GRID2: variants seen among roughly 807,000 people sequenced by gnomAD.
The protein encoded by GRID2 is glutamate receptor ionotropic, delta-2.
In GRID2, 33 loss-of-function variants were observed where a neutral mutation model predicts 114.8. That is an observed-to-expected ratio of 0.29 (90% confidence interval 0.22 to 0.38). The LOEUF (loss-of-function observed/expected upper bound fraction) is 0.38. GRID2 is among the 10% of genes least tolerant of loss of function. The probability of loss-of-function intolerance (pLI) is 1.00; values close to 1 mark genes in which losing one functional copy is unlikely to be tolerated. For synonymous variants in GRID2, 505 were observed against 449.9 expected (o/e 1.12, Z -1.55); for missense variants, 1,184 against 1,257.7 (o/e 0.94, Z 0.89).
chr4:93,009,159 A>G (rs565223833), intron 2 of GRID2, among the ~76,000 whole-genome samples: 9 of 152,270 alleles, frequency 5.9e-5, no homozygotes, highest in Non-Finnish European at 1.2e-4. Context: ...GAGATGAGGA[A>G]ATGAAGGAAT....
chr4:92,758,381 C>A (rs1462148141), intron 2 of GRID2, among the ~76,000 whole-genome samples: 1 of 152,022 alleles, frequency 6.6e-6, no homozygotes, highest in Non-Finnish European at 1.5e-5. Flanking sequence ...TGGAAACCAA[C>A]AAGAACCCTT....
intron 1 of GRID2, among the ~76,000 whole-genome samples, chr4:92,515,378 A>G (rs1288651939): frequency 1.3e-5 from 2 of 151,946 alleles, no homozygotes; most frequent in Admixed American, 6.6e-5. Flanking sequence ...TAGACAACAT[A>G]AAAGACAATA....
intron 14 of GRID2, among the ~76,000 whole-genome samples, chr4:93,676,806 G>C (rs1311908201): frequency 2.6e-5 from 4 of 151,578 alleles, no homozygotes; most frequent in African/African-American, 9.7e-5. Flanking sequence ...CCGCAAGATG[G>C]CTGAATAGGA....
At chr4:93,501,143 G>T (rs1728059829) in intron 12 of GRID2, among the ~76,000 whole-genome samples, 1 of 151,906 alleles carries the variant, frequency 6.6e-6, no homozygotes, top group African/African-American at 2.4e-5. Flanking sequence ...TGACCTGAGA[G>T]TGTGAAACTC....
intron 1 of GRID2, among the ~76,000 whole-genome samples, chr4:92,554,297 C>T (rs543704070): frequency 1.4e-4 from 21 of 152,096 alleles, no homozygotes; most frequent in Non-Finnish European, 2.2e-4. Flanking sequence ...ACAGAGAAAT[C>T]GAGTAATATG....
At chr4:93,027,389 G>T (rs1392353631) in intron 2 of GRID2, among the ~76,000 whole-genome samples, 1 of 151,544 alleles carries the variant, frequency 6.6e-6, no homozygotes, top group African/African-American at 2.4e-5. Context: ...CAATTTCTTA[G>T]CATGCCTAGA....
intron 2 of GRID2, among the ~76,000 whole-genome samples, chr4:93,061,894 A>T (rs2149293865): frequency 6.6e-6 from 1 of 152,258 alleles, no homozygotes; most frequent in Non-Finnish European, 1.5e-5. Context: ...GGAATCCGTA[A>T]ATGCCAGGTT....
intron 2 of GRID2, among the ~76,000 whole-genome samples, chr4:92,674,182 T>TA (rs1733214427): frequency 6.6e-6 from 1 of 152,186 alleles, no homozygotes; most frequent in South Asian, 2.1e-4. Flanking sequence ...TCAAATTAAG[T>TA]AAAAACAAAA....
chr4:93,404,370 G>T (rs764563030), intron 9 of GRID2, among the ~76,000 whole-genome samples: 1 of 151,974 alleles, frequency 6.6e-6, no homozygotes, highest in Non-Finnish European at 1.5e-5. Context: ...CACTTTGGAT[G>T]GGTGAATTGT....
At chr4:93,042,600 A>G (rs1467094706) in intron 2 of GRID2, among the ~76,000 whole-genome samples, 3 of 126,778 alleles carry the variant, frequency 2.4e-5, no homozygotes, top group Non-Finnish European at 4.9e-5. Context: ...TGCAAACATG[A>G]TGAATCTTTT....
chr4:92,467,784 G>A (rs557887870), intron 1 of GRID2, among the ~76,000 whole-genome samples: 1 of 152,048 alleles, frequency 6.6e-6, no homozygotes, highest in African/African-American at 2.4e-5. Context: ...AAAGAATCCA[G>A]GTTTAATATT....
chr4:93,013,315 T>TTTATTGAGGATAAATA (rs1468356153), intron 2 of GRID2, among the ~76,000 whole-genome samples: 1 of 151,990 alleles, frequency 6.6e-6, no homozygotes, highest in East Asian at 1.9e-4. Flanking sequence ...TTAATCTGTA[T>TTTATTGAGGATAAATA]TTATTGAGGA....
intron 2 of GRID2, among the ~76,000 whole-genome samples, chr4:92,983,350 C>T (rs183390311): frequency 7.3e-4 from 111 of 152,040 alleles, no homozygotes; most frequent in African/African-American, 2.7e-3. Context: ...TTTTAAGTGC[C>T]TTTTTAAGGT....
At chr4:93,527,907 G>T (rs1731073027) in intron 13 of GRID2, among the ~76,000 whole-genome samples, 1 of 151,826 alleles carries the variant, frequency 6.6e-6, no homozygotes, top group East Asian at 1.9e-4. Flanking sequence ...AATCAATTAT[G>T]TCTCTACGAA....
chr4:92,427,135 G>T (rs1427576940), intron 1 of GRID2, among the ~76,000 whole-genome samples: 2 of 152,052 alleles, frequency 1.3e-5, no homozygotes, highest in Admixed American at 6.6e-5. Flanking sequence ...CCTATACTCT[G>T]ATCCGGCTCA....
chr4:93,589,731 T>G (rs1434746692), intron 13 of GRID2, among the ~76,000 whole-genome samples: 1 of 152,192 alleles, frequency 6.6e-6, no homozygotes, highest in Non-Finnish European at 1.5e-5. Context: ...CCTGACTTTT[T>G]AATGATTGCC....
At chr4:92,590,703 A>T (rs75471352) in intron 2 of GRID2, among the ~76,000 whole-genome samples, 4,123 of 152,178 alleles carry the variant, frequency 0.027, 187 homozygotes, top group African/African-American at 0.094. Flanking sequence ...CTGAAAGAAA[A>T]ACCCTTGGAC....
intron 1 of GRID2, among the ~76,000 whole-genome samples, chr4:92,327,941 G>T (rs187099528): frequency 1.3e-5 from 2 of 151,858 alleles, no homozygotes; most frequent in Non-Finnish European, 2.9e-5. Context: ...AAGATGATGC[G>T]CTGTGTTAAG....
intron 8 of GRID2, among the ~76,000 whole-genome samples, chr4:93,330,806 A>G (rs1179504986): frequency 6.6e-6 from 1 of 152,102 alleles, no homozygotes; most frequent in African/African-American, 2.4e-5. Context: ...CTTTTCAAGT[A>G]TATTTCTTCT....
Sources: gnomAD v4.1 joint callset for allele counts (sites outside exome capture counted in the v4.1 genomes callset) on GRCh38, gnomAD v4.1.1 for gene constraint, MANE v1.5 for transcripts, NCBI Gene and HGNC (gene_info 2026-07-23, HGNC 2026-07-21) for gene names.